Variants in ANKRD12 observed in about 807,000 individuals in gnomAD.
ANKRD12 encodes the protein ankyrin repeat domain 12.
In ANKRD12, 85 loss-of-function variants were observed where a neutral mutation model predicts 183.4. The observed-to-expected ratio is 0.46, with a 90% CI of 0.39 to 0.56. The LOEUF is 0.56. Ranked by LOEUF, ANKRD12 falls within the 20% of genes least tolerant of loss-of-function variation. The pLI, the probability that ANKRD12 is intolerant of heterozygous loss-of-function variation, is 0.00. For missense variants in ANKRD12, 2,405 were observed against 2,357.1 expected (o/e 1.02, Z -0.42); for synonymous variants, 914 against 800.2 (o/e 1.14, Z -2.40).
chr18:9,203,856 T>C lies in ANKRD12; in HGVS notation c.236-620T>C, dbSNP rs559082568. On this transcript the variant is annotated intron_variant, in intron 3 of 12. Transcript: ENST00000262126. ...CTGACCTCAGGTAATCCACCCACCT[T>C]GGCCTCCCGAAGTGCTGGGATTACA... is the stretch of plus-strand genomic sequence containing the variant. Among the ~76,000 whole-genome samples, 62 of 152,276 alleles carry C rather than the reference T, an allele frequency of 4.1e-4. 1 individual carries two copies. The South Asian group carries it at 0.011, about 27-fold the overall frequency.
chr18:9,225,809 TG>T (rs1433053776), intron 8 of ANKRD12, among the ~76,000 whole-genome samples: 2 of 152,206 alleles, frequency 1.3e-5, no homozygotes, highest in African/African-American at 4.8e-5. Flanking sequence ...TACATTATTA[TG>T]AAAATATTCA....
chr18:9,138,357 T>C (rs928464490), intron 1 of ANKRD12, among the ~76,000 whole-genome samples: 2 of 152,072 alleles, frequency 1.3e-5, no homozygotes, highest in Non-Finnish European at 2.9e-5. Context: ...CTACTAAATA[T>C]ACAAAATTAG....
intron 7 of ANKRD12, among the ~76,000 whole-genome samples, chr18:9,219,078 T>G (rs2036274777): frequency 1.3e-5 from 2 of 152,228 alleles, no homozygotes; most frequent in Admixed American, 1.3e-4. Flanking sequence ...TTAAGCAACT[T>G]TAAGAACAAT....
At chr18:9,216,473 A>G (rs1037912890) in intron 6 of ANKRD12, among the ~76,000 whole-genome samples, 13 of 152,236 alleles carry the variant, frequency 8.5e-5, no homozygotes, top group African/African-American at 2.7e-4. Flanking sequence ...GTAGGCTATT[A>G]GTAAAGTTTT....
chr18:9,201,365 T>A (rs2035155289), intron 3 of ANKRD12, among the ~76,000 whole-genome samples: 1 of 152,242 alleles, frequency 6.6e-6, no homozygotes, highest in Non-Finnish European at 1.5e-5. Context: ...AATGTGAAAG[T>A]GTTAAACAGC....
In ANKRD12 at chr18:9,259,156, T is replaced by C. The variant is rs138538170; in HGVS notation, c.5664+225T>C. 3.4e-3 allele frequency among the ~76,000 whole-genome samples: 520 copies of C among 152,310 alleles called. 3 individuals are homozygous for C. The highest frequency in any genetic ancestry group is 4.1e-3 in the Non-Finnish European group (281 of 68,008). On this transcript the variant is annotated intron_variant, in intron 9 of 12. Coordinates refer to ENST00000262126, the MANE Select transcript of ANKRD12 (RefSeq NM_015208.5). ...TTAGCCGAAATAATATGTAGTGACATAGGCTTCAAATACAGGTATAACTAT... is the reference window on the plus strand; with the variant it reads ...TTAGCCGAAATAATATGTAGTGACACAGGCTTCAAATACAGGTATAACTAT...
chr18:9,225,808 A>G (rs1377181970), intron 8 of ANKRD12, among the ~76,000 whole-genome samples: 1 of 152,228 alleles, frequency 6.6e-6, no homozygotes. Context: ...ATACATTATT[A>G]TGAAAATATT....
chr18:9,280,087 A>G (rs188274387), intron 12 of ANKRD12, among the ~76,000 whole-genome samples: 8 of 152,334 alleles, frequency 5.3e-5, no homozygotes, highest in South Asian at 4.1e-4. Flanking sequence ...ATTAAAATCT[A>G]TAACAGCAGT....
At chr18:9,177,755 C>T (rs944499130) in intron 1 of ANKRD12, among the ~76,000 whole-genome samples, 3 of 152,146 alleles carry the variant, frequency 2.0e-5, no homozygotes, top group African/African-American at 4.8e-5. Flanking sequence ...CCTTCCTAGC[C>T]TCTGGTATCT....
At chr18:9,231,378 TC>T (rs1461630535) in intron 8 of ANKRD12, among the ~76,000 whole-genome samples, 1 of 152,176 alleles carries the variant, frequency 6.6e-6, no homozygotes, top group Non-Finnish European at 1.5e-5. Context: ...ATTGGAGTCT[TC>T]CTTTGTATCT....
rs1214661014 is a variant in ANKRD12, at chr18:9,284,379, A to G, written c.*3253A>G. The stretch of plus-strand genomic sequence containing the variant: ...AGAAATTGAGTGCAGACCTAAATAC[A>G]TAGTTTTCCAAAAAGAAAATTATTG... On this transcript the variant is annotated 3_prime_UTR_variant, in exon 13 of 13. Coordinates refer to ENST00000262126, the MANE Select transcript of ANKRD12 (RefSeq NM_015208.5). The G allele has an allele frequency of 6.6e-6, 1 of 152,100 alleles. No individual in the cohort carries two copies. The highest frequency in any genetic ancestry group is 1.5e-5 in the Non-Finnish European group (1 of 67,994). 9.4% of individuals were successfully genotyped at this position (152,100 alleles called of 1,614,324 possible).
At chr18:9,216,986 T>TGACACA in intron 7 of ANKRD12, 86 bp downstream of exon 7, 4 of 1,297,580 alleles carry the variant, frequency 3.1e-6, no homozygotes, top group Non-Finnish European at 4.3e-6. Flanking sequence ...CTTAGTCATA[T>TGACACA]GATCTGTGTC....
At chr18:9,165,558 A>G (rs796689916) in intron 1 of ANKRD12, among the ~76,000 whole-genome samples, 46 of 152,224 alleles carry the variant, frequency 3.0e-4, no homozygotes, top group African/African-American at 1.0e-3. Flanking sequence ...ATTTATATCT[A>G]TGAATTTGGC....
At chr18:9,172,238 C>G (rs926702280) in intron 1 of ANKRD12, among the ~76,000 whole-genome samples, 1 of 152,050 alleles carries the variant, frequency 6.6e-6, no homozygotes, top group South Asian at 2.1e-4. Flanking sequence ...CTGGGGTTCT[C>G]TGGATTTCCT....
chr18:9,155,514 C>T (rs1214159028), intron 1 of ANKRD12, among the ~76,000 whole-genome samples: 2 of 152,138 alleles, frequency 1.3e-5, no homozygotes, highest in African/African-American at 4.8e-5. Flanking sequence ...GAAGACTGTG[C>T]GTTTAAATTT....
chr18:9,203,645 C>G (rs935603724), intron 3 of ANKRD12, among the ~76,000 whole-genome samples: 1 of 152,034 alleles, frequency 6.6e-6, no homozygotes, highest in Non-Finnish European at 1.5e-5. Context: ...CACTCTGTCA[C>G]CCAGGCTGGA....
At chr18:9,198,689 A>G (rs1034019892) in intron 3 of ANKRD12, among the ~76,000 whole-genome samples, 2 of 152,030 alleles carry the variant, frequency 1.3e-5, no homozygotes, top group Non-Finnish European at 2.9e-5. Context: ...AGCTGGGATT[A>G]CAGGCGCCTG....
chr18:9,272,100 C>CATA (rs2039632996), intron 10 of ANKRD12, among the ~76,000 whole-genome samples: 1 of 152,202 alleles, frequency 6.6e-6, no homozygotes, highest in African/African-American at 2.4e-5. Context: ...TTGGCACACC[C>CATA]ATAACCTATC....
intron 10 of ANKRD12, among the ~76,000 whole-genome samples, chr18:9,270,963 G>C (rs1330482074): frequency 6.6e-6 from 1 of 152,196 alleles, no homozygotes; most frequent in African/African-American, 2.4e-5. Context: ...AAAATTGCTT[G>C]ATATTGGCCA....
Sources: gnomAD v4.1 joint callset for allele counts (sites outside exome capture counted in the v4.1 genomes callset) on GRCh38, gnomAD v4.1.1 for gene constraint, MANE v1.5 for transcripts, NCBI Gene and HGNC (gene_info 2026-07-23, HGNC 2026-07-21) for gene names.